The following FIGNL2 variants were observed in gnomAD, a reference collection of about 807,000 sequenced individuals.
FIGNL2 encodes the protein fidgetin like 2.
For missense variants in FIGNL2, 1,060 were observed against 950.2 expected (o/e 1.12, Z -1.52); for synonymous variants, 565 against 484.0 (o/e 1.17, Z -2.20).
intron 1 of FIGNL2, chr12:51,832,055 A>G (rs1939483182): frequency 6.6e-6 from 1 of 152,074 alleles, no homozygotes; most frequent in African/African-American, 2.4e-5. Flanking sequence ...TTTTGCTCTG[A>G]TGCCCAGGCG....
chr12:51,846,395 C>T (rs1939750682), intron 1 of FIGNL2, among the ~76,000 whole-genome samples: 1 of 152,158 alleles, frequency 6.6e-6, no homozygotes, highest in Non-Finnish European at 1.5e-5. Context: ...GGAGGAACAG[C>T]GGGAGCAAAG....
At chr12:51,837,906 C>G (rs748027888) in intron 1 of FIGNL2, 6 of 152,250 alleles carry the variant, frequency 3.9e-5, no homozygotes, top group Non-Finnish European at 8.8e-5. Context: ...TGCAATTTCA[C>G]CAAGAGAACA....
chr12:51,839,735 T>C (rs1187619833), intron 1 of FIGNL2, among the ~76,000 whole-genome samples: 1 of 152,172 alleles, frequency 6.6e-6, no homozygotes, highest in East Asian at 1.9e-4. Flanking sequence ...TCCACTCCAA[T>C]GCCCAATTTA....
intron 1 of FIGNL2, chr12:51,823,349 G>A (rs1939267140): frequency 1.3e-5 from 2 of 152,170 alleles, no homozygotes; most frequent in South Asian, 4.1e-4. Context: ...AATAGGGAGA[G>A]GTCATCAGAC....
chr12:51,831,526 A>G (rs575814066), intron 1 of FIGNL2, among the ~76,000 whole-genome samples: 97 of 152,268 alleles, frequency 6.4e-4, no homozygotes, highest in African/African-American at 2.2e-3. Context: ...ATCTCCTCCC[A>G]CTTCCACAGG....
At position 51,848,608 on chromosome 12, in the gene FIGNL2, G is replaced by T; in HGVS notation, c.-80C>A. 1 of 887,086 alleles carries T rather than the reference G, an allele frequency of 1.1e-6. No individual in the cohort carries two copies. Among genetic ancestry groups the T allele is most frequent in the South Asian group, 5.2e-5 (1 of 19,410 alleles). 55.0% of individuals were successfully genotyped at this position (887,086 alleles called of 1,614,324 possible). On this transcript the variant is annotated 5_prime_UTR_variant, in exon 1 of 2. Coordinates refer to ENST00000618634, the MANE Select transcript of FIGNL2 (RefSeq NM_001384995.1). ...GGGCGCGTCCGGCCCGGGGACCGGG[G>T]CGGCGGCGCGGGCCGGGGGCGACAG... is the stretch of plus-strand genomic sequence containing the variant.
chr12:51,828,007 C>T (rs1939380139), intron 1 of FIGNL2, among the ~76,000 whole-genome samples: 1 of 152,194 alleles, frequency 6.6e-6, no homozygotes, highest in Non-Finnish European at 1.5e-5. Flanking sequence ...TATAAGGGCT[C>T]TCTGGCCCAG....
At position 51,820,863 on chromosome 12, in the gene FIGNL2, G is replaced by A; in HGVS notation, c.1551C>T (p.Cys517=). The change falls in exon 2 of 2, where the codon TGC becomes TGT. Residue 517 remains cysteine (C), a synonymous_variant. Transcript: ENST00000618634. ...CCCCCGCGCCGCAGCCCCCGTCCAGGCAGGCCAGGAGCGGCACCTGCAGCG... is the reference window on the plus strand; with the variant it reads ...CCCCCGCGCCGCAGCCCCCGTCCAGACAGGCCAGGAGCGGCACCTGCAGCG... The part of the protein sequence containing the change: ...GGALQVPLLA[C]LDGGCGAGAD... 6.9e-7 allele frequency: 1 copy of A among 1,442,016 alleles called. No homozygotes were observed. The highest frequency in any genetic ancestry group is 9.1e-7 in the Non-Finnish European group (1 of 1,104,346). The allele number at this position is 1,442,016 out of a possible 1,614,324, so 89.3% of individuals were successfully genotyped here.
intron 1 of FIGNL2, among the ~76,000 whole-genome samples, chr12:51,830,961 GTGTT>G (rs373592343): frequency 9.2e-5 from 14 of 152,128 alleles, no homozygotes; most frequent in East Asian, 3.9e-4. Context: ...GCTAATGTTT[GTGTT>G]TGTTTGTTTG....
chr12:51,840,635 T>C (rs775144033), intron 1 of FIGNL2, among the ~76,000 whole-genome samples: 1 of 152,130 alleles, frequency 6.6e-6, no homozygotes, highest in Non-Finnish European at 1.5e-5. Context: ...CTTGGGAGGC[T>C]GAGGCAAGAG....
chr12:51,841,794 G>A (rs1410663633), intron 1 of FIGNL2: 1 of 152,292 alleles, frequency 6.6e-6, no homozygotes, highest in East Asian at 1.9e-4. Context: ...AGAGGAGTGG[G>A]GAGGAGAAAG....
At chr12:51,842,096 A>G (rs1220624902) in intron 1 of FIGNL2, 1 of 151,458 alleles carries the variant, frequency 6.6e-6, no homozygotes, top group African/African-American at 2.4e-5. Context: ...AATGATCACT[A>G]CAAACTCAAC....
chr12:51,821,669 C>T lies in FIGNL2; in HGVS notation c.745G>A (p.Ala249Thr), dbSNP rs1305270120. The T allele has an allele frequency of 2.1e-5, 28 of 1,327,832 alleles. No homozygotes were observed. Among genetic ancestry groups the T allele is most frequent in the South Asian group, 3.1e-5 (2 of 64,682 alleles). 82.3% of individuals were successfully genotyped at this position (1,327,832 alleles called of 1,614,324 possible). A position where few individuals can be genotyped will look rare whatever the true frequency, so the allele number is the denominator to read the frequency against. The change falls in exon 2 of 2, where the codon GCC becomes ACC. Residue 249 changes from alanine (A) to threonine (T), a missense_variant. Physicochemically the swap from Ala to Thr is moderately conservative, Grantham distance 58 (BLOSUM62 0). Transcript: ENST00000618634. The stretch of plus-strand genomic sequence containing the variant: ...GGCGCGGCCGTGGGGAAGCCATAGG[C>T]GGTGGGCGGTGCCGGCGCGGGCAGG... ...TPLPAPAPPTAYGFPTAAPGA... is the reference protein window; with the variant it reads ...TPLPAPAPPTTYGFPTAAPGA...
intron 1 of FIGNL2, among the ~76,000 whole-genome samples, chr12:51,823,259 A>C (rs1939265424): frequency 6.6e-6 from 1 of 152,208 alleles, no homozygotes; most frequent in Non-Finnish European, 1.5e-5. Flanking sequence ...ATGCTGGAGA[A>C]GACCGCGGAA....
chr12:51,848,604 C>T lies in FIGNL2; in HGVS notation c.-76G>A, dbSNP rs1399358883. ...CTGGGGGCGCGTCCGGCCCGGGGAC[C>T]GGGGCGGCGGCGCGGGCCGGGGGCG... On this transcript the variant is annotated 5_prime_UTR_variant, in exon 1 of 2. Transcript: ENST00000618634. The T allele has an allele frequency of 6.5e-6, 6 of 925,878 alleles. No homozygotes were observed. The East Asian group carries it at 7.1e-4, about 110-fold the overall frequency. 57.4% of individuals were successfully genotyped at this position (925,878 alleles called of 1,614,324 possible).
chr12:51,834,842 T>G (rs1939554463), intron 1 of FIGNL2, among the ~76,000 whole-genome samples: 1 of 152,240 alleles, frequency 6.6e-6, no homozygotes, highest in Non-Finnish European at 1.5e-5. Context: ...TTCTAGTGTT[T>G]GCAAAGAACT....
In FIGNL2 at chr12:51,820,603, T is replaced by C; in HGVS notation, c.1811A>G (p.Gln604Arg). ...CGGGAGGCCCGCCCCGGCCGCCGCC[T>C]GCTGGCACAGCTGCCCCAGCTCGCC... is the stretch of plus-strand genomic sequence containing the variant. Reference protein sequence around the residue: ...SGGELGQLCQQAAAGAGLPGL... With the variant: ...SGGELGQLCQRAAAGAGLPGL... Residue 604 changes from glutamine (Q) to arginine (R), a missense_variant, in exon 2 of 2, where the codon CAG becomes CGG. Coordinates refer to ENST00000618634, the MANE Select transcript of FIGNL2 (RefSeq NM_001384995.1). The C allele has an allele frequency of 1.3e-6, 2 of 1,525,614 alleles. No individual in the cohort carries two copies. Among genetic ancestry groups the C allele is most frequent in the Admixed American group, 2.0e-5 (1 of 49,578 alleles). The allele number at this position is 1,525,614 out of a possible 1,614,324, so 94.5% of individuals were successfully genotyped here.
Position 51,821,790 on chromosome 12 carries a change from C to T in FIGNL2, c.624G>A (p.Gly208=), listed in dbSNP as rs1321401034. The T allele has an allele frequency of 6.3e-6, 8 of 1,276,802 alleles. No homozygotes were observed. Among genetic ancestry groups the T allele is most frequent in the East Asian group, 3.3e-5 (1 of 30,632 alleles). 79.1% of individuals were successfully genotyped at this position (1,276,802 alleles called of 1,614,324 possible). A position where few individuals can be genotyped will look rare whatever the true frequency, so the allele number is the denominator to read the frequency against. ...PSAPLYNYPA[G]GYAAQPGYGA... ...CATAGCCGGGCTGCGCTGCGTAGCC[C>T]CCTGCGGGATAGTTGTACAGCGGCG... The change falls in exon 2 of 2, where the codon GGG becomes GGA. Residue 208 remains glycine, a synonymous_variant. Coordinates refer to ENST00000618634, the MANE Select transcript of FIGNL2 (RefSeq NM_001384995.1).
At chr12:51,837,793 A>G (rs1939603004) in intron 1 of FIGNL2, 1 of 152,284 alleles carries the variant, frequency 6.6e-6, no homozygotes, top group Admixed American at 6.5e-5. Context: ...GAAAGCAGGT[A>G]GAGAGAAATA....
Sources: allele counts gnomAD v4.1 joint callset (sites outside exome capture counted in the v4.1 genomes callset), GRCh38; gene constraint gnomAD v4.1.1; transcripts MANE v1.5; gene names NCBI Gene and HGNC (gene_info 2026-07-23, HGNC 2026-07-21).